The following FBXO11 variants were observed in gnomAD, a reference collection of about 807,000 sequenced individuals.
FBXO11 encodes F-box only protein 11.
FBXO11 carries 13 observed loss-of-function variants against 117.0 expected under a neutral mutation model. The ratio of observed to expected loss-of-function variants is 0.11; its 90% confidence interval spans 0.07 to 0.18. The LOEUF (loss-of-function observed/expected upper bound fraction) is 0.18, where lower values mean the gene tolerates loss of function less well. FBXO11 is among the 10% of genes least tolerant of loss of function. FBXO11 has a pLI of 1.00. For missense variants in FBXO11, 767 were observed against 1,164.4 expected, an observed-to-expected ratio of 0.66 and a Z score of 4.97; for synonymous variants, 490 against 380.5, an observed-to-expected ratio of 1.29 and a Z score of -3.35.
rs1447947535 is a variant in FBXO11, at chr2:47,823,214, G to T, written c.1545C>A (p.Phe515Leu). Residue 515 changes from phenylalanine (F) to leucine (L), a missense_variant, in exon 12 of 23, where the codon TTC becomes TTA. This residue lies in a region of FBXO11 where 67 missense variants were observed against 148.8 expected (regional missense o/e 0.45). Coordinates refer to ENST00000403359, the MANE Select transcript of FBXO11 (RefSeq NM_001190274.2). ...IYVHEKGRGQ[F>L]IENKIYANNF... is the part of the protein sequence containing the mutation. ...TGTTTGCATAGATTTTATTCTCTAT[G>T]AATTGTCCTCTTCCTTTTTCATGGA... is the stretch of plus-strand genomic sequence containing the variant. 1.2e-6 allele frequency: 2 copies of T among 1,613,904 alleles called. No homozygotes were observed.
chr2:47,875,564 A>G (rs1054172829), intron 1 of FBXO11, among the ~76,000 whole-genome samples: 8 of 151,728 alleles, frequency 5.3e-5, no homozygotes, highest in African/African-American at 1.9e-4. Flanking sequence ...GTAGTAAAAT[A>G]TTTCAATATA....
At position 47,905,632 on chromosome 2, in the gene FBXO11, T is replaced by G. The variant is rs1678750503; in HGVS notation, c.89A>C (p.Gln30Pro). 1.4e-6 allele frequency: 2 copies of G among 1,395,344 alleles called. No homozygotes were observed. The highest frequency in any genetic ancestry group is 1.9e-6 in the Non-Finnish European group (2 of 1,071,864). 86.4% of individuals were successfully genotyped at this position (1,395,344 alleles called of 1,614,324 possible). A position where few individuals can be genotyped will look rare whatever the true frequency, so the allele number is the denominator to read the frequency against. ...VQQQQQQPPQQPPPQPPQQQP... is the reference protein window; with the variant it reads ...VQQQQQQPPQPPPPQPPQQQP... ...CTGCTGGGGCGGCTGCGGCGGCGGC[T>G]GCTGCGGGGGCTGCTGCTGCTGTTG... The change falls in exon 1 of 23, where the codon CAG (glutamine) becomes CCG (proline). Residue 30 changes from glutamine (Q) to proline (P), a missense_variant. Physicochemically the swap from Gln to Pro is moderately conservative, Grantham distance 76. Around this residue, in one of 10 missense-constraint regions of FBXO11, gnomAD observed 355 missense variants for 299.8 expected, o/e 1.18. Transcript: ENST00000403359.
At chr2:47,866,182 G>A (rs1280169081) in intron 1 of FBXO11, among the ~76,000 whole-genome samples, 1 of 149,386 alleles carries the variant, frequency 6.7e-6, no homozygotes. Context: ...GGAGTTTGAG[G>A]CTGCAGTGAC....
At chr2:47,841,165 T>A (rs1672984080) in intron 1 of FBXO11, among the ~76,000 whole-genome samples, 1 of 151,916 alleles carries the variant, frequency 6.6e-6, no homozygotes, top group Non-Finnish European at 1.5e-5. Context: ...GCCACTGCAC[T>A]CCAGCCTGGG....
At chr2:47,863,581 A>G (rs759812934) in intron 1 of FBXO11, among the ~76,000 whole-genome samples, 19 of 152,220 alleles carry the variant, frequency 1.2e-4, no homozygotes, top group Non-Finnish European at 2.8e-4. Flanking sequence ...AGTTCTCACT[A>G]GACCTAATAT....
chr2:47,807,819 T>C lies in FBXO11; in HGVS notation c.*299A>G. 3.4e-6 allele frequency: 1 copy of C among 296,218 alleles called. No individual in the cohort carries two copies. The highest frequency in any genetic ancestry group is 6.4e-6 in the Non-Finnish European group (1 of 157,196). 18.3% of individuals were successfully genotyped at this position (296,218 alleles called of 1,614,324 possible). On this transcript the variant is annotated 3_prime_UTR_variant, in exon 23 of 23. Transcript: ENST00000403359. ...AAATTGGACTGCATTCAATGCTAGT[T>C]GTAAAAACACCAGCTTTTCAGAAGT... is the stretch of plus-strand genomic sequence containing the variant.
chr2:47,858,996 G>A (rs2103726416), intron 1 of FBXO11, among the ~76,000 whole-genome samples: 1 of 142,380 alleles, frequency 7.0e-6, no homozygotes, highest in African/African-American at 2.6e-5. Context: ...CAGAGATCGC[G>A]CCACTCTGCA....
intron 1 of FBXO11, among the ~76,000 whole-genome samples, chr2:47,851,700 G>A (rs769787870): frequency 9.9e-5 from 15 of 152,122 alleles, no homozygotes; most frequent in Non-Finnish European, 2.1e-4. Context: ...ATCGTCATAC[G>A]CACACAGTTT....
chr2:47,887,508 G>A (rs1438435778), intron 1 of FBXO11, among the ~76,000 whole-genome samples: 2 of 151,970 alleles, frequency 1.3e-5, no homozygotes, highest in African/African-American at 2.4e-5. Context: ...TGGGAGGATC[G>A]CTTAAGGTGA....
chr2:47,884,736 G>C (rs572499715), intron 1 of FBXO11, among the ~76,000 whole-genome samples: 14 of 152,076 alleles, frequency 9.2e-5, no homozygotes, highest in Non-Finnish European at 1.8e-4. Flanking sequence ...GCTTTTACAT[G>C]GGAGATGATT....
At chr2:47,819,179 G>GT in intron 14 of FBXO11, 101 bp from the exon 15 acceptor site, 1 of 1,186,986 alleles carries the variant, frequency 8.4e-7, no homozygotes, top group Non-Finnish European at 1.2e-6. Flanking sequence ...TTCCATTTTT[G>GT]TTTTTTCATC....
chr2:47,851,046 T>A (rs1256354885), intron 1 of FBXO11, among the ~76,000 whole-genome samples: 4 of 152,194 alleles, frequency 2.6e-5, no homozygotes, highest in Non-Finnish European at 2.9e-5. Context: ...CAATCCAAGT[T>A]CAATTGGACA....
At chr2:47,854,576 A>G (rs1042963377) in intron 1 of FBXO11, among the ~76,000 whole-genome samples, 3 of 152,164 alleles carry the variant, frequency 2.0e-5, no homozygotes, top group Non-Finnish European at 4.4e-5. Flanking sequence ...CCTCTCTAGA[A>G]TTCAATTCTT....
intron 14 of FBXO11, among the ~76,000 whole-genome samples, chr2:47,819,781 A>G (rs1273716347): frequency 6.6e-6 from 1 of 152,206 alleles, no homozygotes; most frequent in African/African-American, 2.4e-5. Flanking sequence ...TACTTTTAGC[A>G]GGTAACTGAG....
At chr2:47,847,153 G>A (rs536547303) in intron 1 of FBXO11, among the ~76,000 whole-genome samples, 6 of 152,312 alleles carry the variant, frequency 3.9e-5, no homozygotes, top group Non-Finnish European at 8.8e-5. Context: ...GCTGAGCCAG[G>A]AGAATTGCTT....
intron 1 of FBXO11, among the ~76,000 whole-genome samples, chr2:47,843,728 G>GCTT (rs575495911): frequency 0.065 from 9,800 of 151,750 alleles, 354 homozygotes; most frequent in African/African-American, 0.085. Context: ...TTTTAGATTT[G>GCTT]CTGCTGCTTC....
At chr2:47,843,367 G>A (rs775172333) in intron 1 of FBXO11, among the ~76,000 whole-genome samples, 7 of 151,404 alleles carry the variant, frequency 4.6e-5, no homozygotes, top group African/African-American at 7.3e-5. Flanking sequence ...TGAGGGTGGT[G>A]GTGGTTTATT....
At chr2:47,860,170 C>T (rs899988118) in intron 1 of FBXO11, among the ~76,000 whole-genome samples, 1 of 152,106 alleles carries the variant, frequency 6.6e-6, no homozygotes, top group African/African-American at 2.4e-5. Flanking sequence ...GTCTTTATTG[C>T]TTCTGTTTCT....
chr2:47,817,748 G>A (rs1246399293), intron 16 of FBXO11, among the ~76,000 whole-genome samples: 2 of 152,230 alleles, frequency 1.3e-5, no homozygotes, highest in South Asian at 4.1e-4. Flanking sequence ...AGATGGGAAT[G>A]GCTGCTTGGT....
Sources: allele counts gnomAD v4.1 joint callset (sites outside exome capture counted in the v4.1 genomes callset), GRCh38; gene constraint gnomAD v4.1.1; regional missense constraint gnomAD v4.1.1; transcripts MANE v1.5; gene names NCBI Gene and HGNC (gene_info 2026-07-23, HGNC 2026-07-21).